Variants in NPAS3 observed in about 807,000 individuals in gnomAD.
NPAS3 encodes neuronal PAS domain protein 3.
Under a neutral mutation model 73.1 loss-of-function variants are expected in NPAS3, and 14 were observed. That is an observed-to-expected ratio of 0.19 (90% CI 0.13 to 0.30). NPAS3 has a LOEUF of 0.30. Ranked by LOEUF, NPAS3 falls within the 10% of genes least tolerant of loss-of-function variation. The probability of loss-of-function intolerance (pLI) is 1.00; values close to 1 mark genes in which losing one functional copy is unlikely to be tolerated. For synonymous variants in NPAS3, 620 were observed against 541.5 expected (o/e 1.14, Z -2.01); for missense variants, 1,096 against 1,250.0 (o/e 0.88, Z 1.86).
intron 5 of NPAS3, among the ~76,000 whole-genome samples, chr14:33,660,282 T>A (rs1288715825): frequency 6.6e-6 from 1 of 152,184 alleles, no homozygotes; most frequent in Non-Finnish European, 1.5e-5. Flanking sequence ...AACAACTAAG[T>A]CTGCCATGTC....
intron 2 of NPAS3, among the ~76,000 whole-genome samples, chr14:33,107,477 A>G (rs1486324076): frequency 6.6e-6 from 1 of 152,026 alleles, no homozygotes; most frequent in Admixed American, 6.6e-5. Flanking sequence ...CCCAATGTTT[A>G]GCTCCCACAG....
At chr14:32,990,015 G>C (rs181971288) in intron 1 of NPAS3, among the ~76,000 whole-genome samples, 1 of 152,224 alleles carries the variant, frequency 6.6e-6, no homozygotes, top group East Asian at 1.9e-4. Context: ...TGAGGGGTGA[G>C]GATAAAGGAG....
intron 2 of NPAS3, among the ~76,000 whole-genome samples, chr14:33,211,356 G>A (rs113794474): frequency 3.3e-5 from 5 of 152,126 alleles, no homozygotes; most frequent in Non-Finnish European, 4.4e-5. Flanking sequence ...CAAGGTGGGC[G>A]GATCACTTGA....
chr14:33,014,688 T>C (rs1385715452), intron 1 of NPAS3, among the ~76,000 whole-genome samples: 2 of 152,212 alleles, frequency 1.3e-5, no homozygotes, highest in Non-Finnish European at 2.9e-5. Context: ...GGTAATAATA[T>C]TACTTCTTAG....
Position 33,251,163 on chromosome 14 carries a change from A to G in NPAS3, c.385+35737A>G, listed in dbSNP as rs17100454. 8.3e-3 allele frequency among the ~76,000 whole-genome samples: 1,257 copies of G among 152,238 alleles called. 21 individuals are homozygous for G. Among genetic ancestry groups the G allele is most frequent in the African/African-American group, 0.029 (1,205 of 41,548 alleles). Reference sequence around the variant, plus strand: ...CTGCCTTTTGTCAGTAAACACAAAGAGAAATCTGAAGCCATCAATCTCGCT... The same window carrying G: ...CTGCCTTTTGTCAGTAAACACAAAGGGAAATCTGAAGCCATCAATCTCGCT... On this transcript the variant is annotated intron_variant, in intron 3 of 11. Coordinates refer to ENST00000356141, the Ensembl canonical transcript of NPAS3.
chr14:33,753,352 A>G (rs1200489623), intron 7 of NPAS3, among the ~76,000 whole-genome samples: 2 of 136,692 alleles, frequency 1.5e-5, no homozygotes, highest in African/African-American at 6.0e-5. Context: ...GATTCTGTTA[A>G]ATTGATAAAA....
At chr14:33,664,658 AC>A (rs1253031221) in intron 5 of NPAS3, among the ~76,000 whole-genome samples, 1 of 152,242 alleles carries the variant, frequency 6.6e-6, no homozygotes, top group East Asian at 1.9e-4. Context: ...AGGAACTCAA[AC>A]AAATTTATAA....
intron 6 of NPAS3, among the ~76,000 whole-genome samples, chr14:33,727,582 C>T (rs2061303288): frequency 6.7e-6 from 1 of 150,356 alleles, no homozygotes; most frequent in Non-Finnish European, 1.5e-5. Flanking sequence ...GTCCTGATGC[C>T]CTTTGTCTGA....
At chr14:32,934,902 G>C (rs1243847298), upstream of NPAS3, 1 of 965,950 alleles carries the variant, frequency 1.0e-6, no homozygotes, top group African/African-American at 1.8e-5. This position sits in a 1 kb window ranked among gnomAD's most constrained non-coding sequence, Gnocchi z 4.1. Context: ...CGGCCGGCGG[G>C]GCGGCCGCGG....
At chr14:32,939,549 G>A (rs1439813051) in intron 1 of NPAS3, among the ~76,000 whole-genome samples, 183 bp downstream of exon 1, 1 of 145,278 alleles carries the variant, frequency 6.9e-6, no homozygotes, top group Admixed American at 6.8e-5. Flanking sequence ...CTGCGGCAGC[G>A]AGAGGCTCTG....
chr14:33,589,810 C>T (rs542862411), intron 5 of NPAS3, among the ~76,000 whole-genome samples: 2 of 152,342 alleles, frequency 1.3e-5, no homozygotes, highest in South Asian at 4.1e-4. Context: ...TCTTCCTTTA[C>T]AGCTAATTGC....
intron 4 of NPAS3, among the ~76,000 whole-genome samples, chr14:33,378,903 A>G (rs1315148): frequency 0.55 from 83,983 of 151,988 alleles, 23,476 homozygotes; most frequent in South Asian, 0.68. Context: ...ACAGAAAGAC[A>G]GTTATACTAC....
At chr14:33,547,112 C>A (rs1038484036) in intron 4 of NPAS3, among the ~76,000 whole-genome samples, 24 of 151,864 alleles carry the variant, frequency 1.6e-4, no homozygotes, top group African/African-American at 3.9e-4. Context: ...TTTGTAAAAC[C>A]CTTAATATAT....
intron 3 of NPAS3, among the ~76,000 whole-genome samples, chr14:33,316,474 G>A (rs955549905): frequency 1.3e-5 from 2 of 152,030 alleles, no homozygotes; most frequent in African/African-American, 4.8e-5. Context: ...TTTATCATGA[G>A]TTCAGATTGT....
chr14:33,800,627 G>T lies in NPAS3; in HGVS notation c.2320G>T (p.Gly774Trp). The change falls in exon 12 of 12, where the codon GGG becomes TGG. Residue 774 changes from glycine (G) to tryptophan (W), a missense_variant. This residue lies in a region of NPAS3 where 698 missense variants were observed against 676.7 expected (regional missense o/e 1.03). Transcript: ENST00000356141. This position sits in a 1 kb window ranked among gnomAD's most constrained non-coding sequence, Gnocchi z 6.5. Reference sequence around the variant, plus strand: ...GGGCGGGGGCGGGGGCGGCGGCGCGGGGGGCGGCGGCCCCAGCGCGTCCAA... The same window carrying T: ...GGGCGGGGGCGGGGGCGGCGGCGCGTGGGGCGGCGGCCCCAGCGCGTCCAA... The T allele has an allele frequency of 1.5e-6, 2 of 1,378,996 alleles. No homozygotes were observed. Among genetic ancestry groups the T allele is most frequent in the Non-Finnish European group, 9.3e-7 (1 of 1,073,908 alleles). The allele number at this position is 1,378,996 out of a possible 1,614,324, so 85.4% of individuals were successfully genotyped here.
At chr14:33,206,726 A>G (rs2046835094) in intron 2 of NPAS3, among the ~76,000 whole-genome samples, 1 of 152,176 alleles carries the variant, frequency 6.6e-6, no homozygotes, top group South Asian at 2.1e-4. Flanking sequence ...ATGGTGCTGT[A>G]TACTGTTGAA....
chr14:33,352,750 A>G (rs2045129735), intron 3 of NPAS3, among the ~76,000 whole-genome samples: 1 of 152,216 alleles, frequency 6.6e-6, no homozygotes, highest in African/African-American at 2.4e-5. Flanking sequence ...GCTGATACTA[A>G]CAATGGAAGA....
In NPAS3 at chr14:33,656,095, G is replaced by A. The variant is rs566522049; in HGVS notation, c.559-20116G>A. 2.6e-3 allele frequency among the ~76,000 whole-genome samples: 390 copies of A among 152,070 alleles called. 1 individual carries two copies. The highest frequency in any genetic ancestry group is 0.01 in the Middle Eastern group (3 of 292). ...TGAAGCAAAAAATAAGTTTAGTATC[G>A]AATTTCTGTTCAGTCAGACTTTCCA... On this transcript the variant is annotated intron_variant, in intron 5 of 11. Coordinates refer to ENST00000356141, the Ensembl canonical transcript of NPAS3.
intron 4 of NPAS3, among the ~76,000 whole-genome samples, chr14:33,432,340 G>A (rs2048818683): frequency 6.6e-6 from 1 of 152,112 alleles, no homozygotes. Flanking sequence ...TACACAGCTT[G>A]TGAGGACTTA....
Sources: allele counts gnomAD v4.1 joint callset (sites outside exome capture counted in the v4.1 genomes callset), GRCh38; gene constraint gnomAD v4.1.1; regional missense constraint gnomAD v4.1.1; non-coding constraint Gnocchi (gnomAD v3.1); transcripts MANE v1.5; gene names NCBI Gene and HGNC (gene_info 2026-07-23, HGNC 2026-07-21).